The following EYS variants were observed in gnomAD, a reference collection of about 807,000 sequenced individuals.
EYS encodes protein eyes shut homolog.
In EYS, 250 loss-of-function variants were observed where a neutral mutation model predicts 282.1. The observed-to-expected ratio is 0.89, with a 90% CI of 0.80 to 0.98. The LOEUF is 0.98. Ranked by LOEUF, EYS falls within the 50% of genes least tolerant of loss-of-function variation. EYS has a pLI of 0.00. For synonymous variants in EYS, 1,355 were observed against 1,282.9 expected (o/e 1.06, Z -1.20); for missense variants, 4,016 against 3,709.0 (o/e 1.08, Z -2.15).
intron 31 of EYS, among the ~76,000 whole-genome samples, chr6:64,187,013 GT>G (rs969073108): frequency 5.9e-5 from 9 of 152,058 alleles, no homozygotes; most frequent in African/African-American, 1.9e-4. Context: ...CAAATGCATA[GT>G]TTTTTTTCCC....
At chr6:63,946,985 T>TA (rs1765417975) in intron 35 of EYS, among the ~76,000 whole-genome samples, 1 of 151,818 alleles carries the variant, frequency 6.6e-6, no homozygotes, top group South Asian at 2.1e-4. Context: ...AAATTAAAAA[T>TA]AAAAAAATTT....
At chr6:65,326,901 AC>A (rs1314478016) in intron 11 of EYS, among the ~76,000 whole-genome samples, 1 of 151,674 alleles carries the variant, frequency 6.6e-6, no homozygotes, top group Non-Finnish European at 1.5e-5. Flanking sequence ...TTGTCAGTAG[AC>A]CACAAAATAA....
chr6:65,284,966 T>C (rs1294150071), intron 12 of EYS, among the ~76,000 whole-genome samples: 1 of 152,002 alleles, frequency 6.6e-6, no homozygotes, highest in Non-Finnish European at 1.5e-5. Flanking sequence ...AGCAAACAAA[T>C]CTATTTTCCT....
intron 12 of EYS, among the ~76,000 whole-genome samples, chr6:65,108,627 A>G (rs972797490): frequency 2.0e-5 from 3 of 152,142 alleles, no homozygotes; most frequent in Non-Finnish European, 2.9e-5. Flanking sequence ...TGTCTTTTGC[A>G]GCTTTCAAGA....
chr6:63,754,649 C>T (rs540552276), intron 41 of EYS, among the ~76,000 whole-genome samples: 2 of 152,318 alleles, frequency 1.3e-5, no homozygotes, highest in East Asian at 3.9e-4. Context: ...CCACAATAAA[C>T]ATACGTGTGC....
chr6:65,434,851 C>T (rs947714173), intron 5 of EYS, among the ~76,000 whole-genome samples: 1 of 151,942 alleles, frequency 6.6e-6, no homozygotes, highest in Non-Finnish European at 1.5e-5. Context: ...CTGTGAAGAC[C>T]TGTTTGTCTC....
Position 64,591,837 on chromosome 6 carries a change from C to T in EYS, c.4030G>A (p.Asp1344Asn), listed in dbSNP as rs980448170. ...SAKHSLLSSA[D>N]VSSSRFLNFG... ...TTCAGGAATCGAGAAGAGGAAACAT[C>T]TGCGGAAGAAAGAAGACTGTGTTTT... Residue 1344 changes from aspartate to asparagine, a missense_variant, in exon 26 of 43, where the codon GAT becomes AAT. By Grantham distance (23) the Asp-to-Asn change is conservative. Transcript: ENST00000503581. 4.4e-5 allele frequency: 69 copies of T among 1,551,138 alleles called. No homozygotes were observed. The highest frequency in any genetic ancestry group is 5.9e-5 in the Non-Finnish European group (68 of 1,146,708).
chr6:64,387,633 T>A (rs879846389), intron 29 of EYS, among the ~76,000 whole-genome samples: 2 of 152,126 alleles, frequency 1.3e-5, no homozygotes, highest in Admixed American at 1.3e-4. Flanking sequence ...ACAAAACATA[T>A]TTTTTACTAT....
At chr6:64,547,249 C>G (rs1234416003) in intron 26 of EYS, among the ~76,000 whole-genome samples, 1 of 152,144 alleles carries the variant, frequency 6.6e-6, no homozygotes, top group African/African-American at 2.4e-5. Context: ...CCACTGCTGG[C>G]TCTGGCAGAC....
chr6:65,196,365 G>A (rs1452647667), intron 12 of EYS, among the ~76,000 whole-genome samples: 1 of 151,866 alleles, frequency 6.6e-6, no homozygotes, highest in African/African-American at 2.4e-5. Context: ...ATTATTTATA[G>A]TATCATATTA....
At chr6:64,959,691 ATATT>A (rs1769849228) in intron 14 of EYS, among the ~76,000 whole-genome samples, 1 of 152,140 alleles carries the variant, frequency 6.6e-6, no homozygotes, top group Non-Finnish European at 1.5e-5. Context: ...TAAAATGATT[ATATT>A]TTTATTGCCT....
intron 35 of EYS, among the ~76,000 whole-genome samples, chr6:63,923,560 GA>G (rs1208987784): frequency 3.9e-5 from 6 of 152,050 alleles, no homozygotes; most frequent in Non-Finnish European, 5.9e-5. Context: ...ATTTTTATAA[GA>G]AAAAAATTAT....
At chr6:65,261,462 C>T (rs1767618263) in intron 12 of EYS, among the ~76,000 whole-genome samples, 1 of 151,946 alleles carries the variant, frequency 6.6e-6, no homozygotes, top group Non-Finnish European at 1.5e-5. Flanking sequence ...TCTTAAGTTG[C>T]TTGTGTTTAA....
At chr6:65,414,990 A>G (rs1479043194) in intron 5 of EYS, among the ~76,000 whole-genome samples, 2 of 152,136 alleles carry the variant, frequency 1.3e-5, no homozygotes, top group Non-Finnish European at 2.9e-5. Flanking sequence ...AGAACAACCA[A>G]GGAAGGGGGA....
At chr6:64,698,040 T>C (rs74595668) in intron 22 of EYS, among the ~76,000 whole-genome samples, 4,339 of 152,046 alleles carry the variant, frequency 0.029, 125 homozygotes, top group East Asian at 0.14. Flanking sequence ...CAAGAGAAAC[T>C]CTTGAAACTA....
At chr6:64,673,888 TTA>T (rs1769555785) in intron 22 of EYS, among the ~76,000 whole-genome samples, 1 of 152,030 alleles carries the variant, frequency 6.6e-6, no homozygotes, top group Admixed American at 6.6e-5. Context: ...TTAGAAAAAT[TTA>T]TGTTTTAAAT....
intron 23 of EYS, among the ~76,000 whole-genome samples, chr6:64,621,743 T>C (rs2149853146): frequency 6.6e-6 from 1 of 152,310 alleles, no homozygotes; most frequent in African/African-American, 2.4e-5. Flanking sequence ...GGGCAAAACA[T>C]GCATTTGAAG....
chr6:64,257,891 CTTAA>C (rs760870618), intron 30 of EYS, among the ~76,000 whole-genome samples: 39 of 152,074 alleles, frequency 2.6e-4, no homozygotes, highest in Admixed American at 7.2e-4. Context: ...CAAGACCTTA[CTTAA>C]TTGTTGACAA....
intron 26 of EYS, among the ~76,000 whole-genome samples, chr6:64,452,570 A>G (rs1775394267): frequency 6.6e-6 from 1 of 152,160 alleles, no homozygotes; most frequent in Non-Finnish European, 1.5e-5. Context: ...AAGCCAAAAG[A>G]ACAAAGCTGG....
Sources: allele counts gnomAD v4.1 joint callset (sites outside exome capture counted in the v4.1 genomes callset), GRCh38; gene constraint gnomAD v4.1.1; transcripts MANE v1.5; gene names NCBI Gene and HGNC (gene_info 2026-07-23, HGNC 2026-07-21).